The following FAM13A variants were observed in gnomAD, a reference collection of about 807,000 sequenced individuals.
FAM13A encodes the protein family with sequence similarity 13 member A, also known as protein FAM13A.
A neutral mutation model predicts 129.6 loss-of-function variants in FAM13A; 76 were observed. The ratio of observed to expected loss-of-function variants is 0.59; its 90% CI spans 0.49 to 0.71. The LOEUF is 0.71. Among genes scored for constraint, FAM13A ranks in the 30% least tolerant of loss-of-function variants. The pLI, the probability that FAM13A is intolerant of heterozygous loss-of-function variation, is 0.00. For synonymous variants in FAM13A, 443 were observed against 449.9 expected (o/e 0.98, Z 0.20); for missense variants, 1,108 against 1,249.3 (o/e 0.89, Z 1.70).
intron 11 of FAM13A, among the ~76,000 whole-genome samples, chr4:88,780,436 C>G (rs1243185581): frequency 2.6e-5 from 4 of 152,144 alleles, no homozygotes; most frequent in South Asian, 4.1e-4. Flanking sequence ...TAAAATTTAT[C>G]TTCAGGTTTT....
Position 89,029,531 on chromosome 4 carries a change from T to G in FAM13A, c.146A>C (p.Glu49Ala), listed in dbSNP as rs575246563. The change falls in exon 2 of 24, where the codon GAA becomes GCA. Residue 49 changes from glutamate (E) to alanine (A), a missense_variant. Coordinates refer to ENST00000264344, the MANE Select transcript of FAM13A (RefSeq NM_014883.4). ...GCCATTCTCGGTGAGCCCCTGCCGT[T>G]CAAGTTCTTGGAGACTGACTCCAAA... ...KLFGVSLQELERQGLTENGIP... is the reference protein window; with the variant it reads ...KLFGVSLQELARQGLTENGIP... The G allele has an allele frequency of 2.5e-6, 4 of 1,595,824 alleles. No homozygotes were observed. The East Asian group carries it at 9.0e-5, about 36-fold the overall frequency.
chr4:88,876,796 T>C (rs1253315919), intron 6 of FAM13A, among the ~76,000 whole-genome samples: 1 of 152,156 alleles, frequency 6.6e-6, no homozygotes, highest in African/African-American at 2.4e-5. Flanking sequence ...TTTCACCATG[T>C]TAGCCAGGAT....
chr4:89,040,569 G>C (rs942377182), intron 1 of FAM13A, among the ~76,000 whole-genome samples: 14 of 152,278 alleles, frequency 9.2e-5, no homozygotes, highest in African/African-American at 3.4e-4. Flanking sequence ...GCATCATTGG[G>C]AAAGGACTAG....
intron 2 of FAM13A, among the ~76,000 whole-genome samples, chr4:89,025,866 T>G (rs933583201): frequency 6.6e-6 from 1 of 152,150 alleles, no homozygotes; most frequent in Admixed American, 6.5e-5. Context: ...AATACTGTTT[T>G]AGAGAGAGAA....
chr4:88,944,813 C>T (rs929368100), intron 4 of FAM13A, among the ~76,000 whole-genome samples: 1 of 151,546 alleles, frequency 6.6e-6, no homozygotes, highest in Non-Finnish European at 1.5e-5. Flanking sequence ...TGAGGCAGAA[C>T]AACTGCTTGA....
chr4:89,055,489 G>C (rs148552758), intron 1 of FAM13A, among the ~76,000 whole-genome samples: 1 of 152,224 alleles, frequency 6.6e-6, no homozygotes, highest in South Asian at 2.1e-4. Flanking sequence ...TTATACATGA[G>C]TCAGTGTGCA....
At chr4:88,951,978 C>A (rs544528295) in intron 4 of FAM13A, among the ~76,000 whole-genome samples, 2 of 152,222 alleles carry the variant, frequency 1.3e-5, no homozygotes, top group East Asian at 3.9e-4. Flanking sequence ...TTTCATAGTT[C>A]CTTTTCAACT....
chr4:88,985,948 T>C (rs867897260), intron 4 of FAM13A, among the ~76,000 whole-genome samples: 28 of 151,734 alleles, frequency 1.8e-4, no homozygotes, highest in African/African-American at 6.5e-4. Context: ...TGCACACATA[T>C]AGACATCACA....
chr4:88,906,355 G>A (rs781206879), intron 6 of FAM13A, 24 bp downstream of exon 6: 15 of 1,419,300 alleles, frequency 1.1e-5, no homozygotes, highest in African/African-American at 5.7e-5. Flanking sequence ...TCACATGGTC[G>A]CCTACAGAGA....
At chr4:88,978,247 T>C (rs1234000975) in intron 4 of FAM13A, among the ~76,000 whole-genome samples, 4 of 152,250 alleles carry the variant, frequency 2.6e-5, no homozygotes, top group Admixed American at 2.6e-4. Context: ...TTTAACTCTG[T>C]AATCCTAAAT....
chr4:88,972,755 C>T (rs1272403765), intron 4 of FAM13A, among the ~76,000 whole-genome samples: 2 of 151,946 alleles, frequency 1.3e-5, no homozygotes, highest in Non-Finnish European at 2.9e-5. Context: ...TACAGGTGTG[C>T]ACCATCACAC....
At chr4:88,936,424 G>A (rs1158762820) in intron 5 of FAM13A, 1 of 152,274 alleles carries the variant, frequency 6.6e-6, no homozygotes, top group East Asian at 1.9e-4. Context: ...GTGGGAGCAA[G>A]AGTGAGGGGG....
rs149854074 is a variant in FAM13A, at chr4:88,991,033, T to A, written c.545A>T (p.His182Leu). ...CQFLTKVAKHHVQNRMNVHNL... is the reference protein window; with the variant it reads ...CQFLTKVAKHLVQNRMNVHNL... Reference sequence around the variant, plus strand: ...GTGAACATTCATGCGATTCTGCACATGATGCTTGGCTACTTTTGTCAAGAA... The same window carrying A: ...GTGAACATTCATGCGATTCTGCACAAGATGCTTGGCTACTTTTGTCAAGAA... The change falls in exon 4 of 24, where the codon CAT becomes CTT. Residue 182 changes from histidine (H) to leucine (L), a missense_variant. His to Leu is a moderately conservative substitution (Grantham distance 99, BLOSUM62 -3). Coordinates refer to ENST00000264344, the MANE Select transcript of FAM13A (RefSeq NM_014883.4). 6.2e-7 allele frequency: 1 copy of A among 1,614,084 alleles called. No individual in the cohort carries two copies. The highest frequency in any genetic ancestry group is 1.3e-5 in the African/African-American group (1 of 74,936).
chr4:89,023,223 T>C (rs1281244828), intron 2 of FAM13A, among the ~76,000 whole-genome samples: 2 of 152,184 alleles, frequency 1.3e-5, no homozygotes, highest in African/African-American at 4.8e-5. Context: ...TCCTCTACTA[T>C]ACAAAAGTTT....
At chr4:88,888,710 G>A (rs1015363078) in intron 6 of FAM13A, among the ~76,000 whole-genome samples, 2 of 151,726 alleles carry the variant, frequency 1.3e-5, no homozygotes, top group Admixed American at 6.6e-5. Flanking sequence ...CGGATCAACG[G>A]GTCAGGAGAT....
chr4:88,732,232 G>A, intron 21 of FAM13A, 34 bp from the exon 22 acceptor site: 1 of 1,522,240 alleles, frequency 6.6e-7, no homozygotes, highest in African/African-American at 1.4e-5. Flanking sequence ...TAAAAATCTG[G>A]TCACTTTTTG....
At chr4:88,893,484 G>A (rs1234550278) in intron 6 of FAM13A, among the ~76,000 whole-genome samples, 1 of 152,096 alleles carries the variant, frequency 6.6e-6, no homozygotes, top group African/African-American at 2.4e-5. Flanking sequence ...TTAGCTGGGC[G>A]TGGTGGCGGG....
chr4:88,894,887 T>C (rs1334449170), intron 6 of FAM13A, among the ~76,000 whole-genome samples: 1 of 152,212 alleles, frequency 6.6e-6, no homozygotes, highest in Non-Finnish European at 1.5e-5. Context: ...ACATCAGTCA[T>C]ATCCTTTAAT....
chr4:88,858,942 C>T (rs989270888), intron 6 of FAM13A, among the ~76,000 whole-genome samples: 1 of 152,210 alleles, frequency 6.6e-6, no homozygotes, highest in East Asian at 1.9e-4. Context: ...TGTCAAATGC[C>T]GCTGACAGGG....
Sources: gnomAD v4.1 joint callset for allele counts (sites outside exome capture counted in the v4.1 genomes callset) on GRCh38, gnomAD v4.1.1 for gene constraint, MANE v1.5 for transcripts, NCBI Gene and HGNC (gene_info 2026-07-23, HGNC 2026-07-21) for gene names.